DPP6: variants seen among roughly 807,000 people sequenced by gnomAD.
The protein encoded by DPP6 is dipeptidyl peptidase like 6.
DPP6 carries 69 observed loss-of-function variants against 122.6 expected under a neutral mutation model. The ratio of observed to expected loss-of-function variants is 0.56; its 90% CI spans 0.46 to 0.69. The LOEUF is 0.69. DPP6 is among the 30% of genes least tolerant of loss of function. DPP6 has a pLI of 0.00. For missense variants in DPP6, 928 were observed against 1,116.9 expected, an observed-to-expected ratio of 0.83 and a Z score of 2.41; for synonymous variants, 418 against 433.1, an observed-to-expected ratio of 0.97 and a Z score of 0.43.
At chr7:154,440,806 C>G (rs1341503850) in intron 1 of DPP6, among the ~76,000 whole-genome samples, 1 of 152,146 alleles carries the variant, frequency 6.6e-6, no homozygotes, top group Non-Finnish European at 1.5e-5. Context: ...AGCTAAGGGA[C>G]ATAGAATGCA....
intron 7 of DPP6, among the ~76,000 whole-genome samples, chr7:154,715,998 T>G (rs1345687288): frequency 2.0e-5 from 3 of 152,174 alleles, no homozygotes; most frequent in Non-Finnish European, 4.4e-5. Context: ...GAAATCATAT[T>G]TATTTCCTTC....
At chr7:154,790,965 C>T (rs1347099649) in intron 10 of DPP6, among the ~76,000 whole-genome samples, 1 of 152,010 alleles carries the variant, frequency 6.6e-6, no homozygotes, top group Non-Finnish European at 1.5e-5. Flanking sequence ...TAAACACATA[C>T]TTGAGGCTGG....
At chr7:154,581,378 G>T (rs977675642) in intron 5 of DPP6, among the ~76,000 whole-genome samples, 2 of 152,132 alleles carry the variant, frequency 1.3e-5, no homozygotes, top group African/African-American at 4.8e-5. Context: ...GAAGAGTAAA[G>T]AGCCTGGAAG....
intron 1 of DPP6, among the ~76,000 whole-genome samples, chr7:154,256,165 C>A (rs1429253456): frequency 6.6e-6 from 1 of 152,148 alleles, no homozygotes; most frequent in African/African-American, 2.4e-5. Context: ...GAGGAGAAAC[C>A]ACTTCCTGAT....
intron 11 of DPP6, 111 bp from the exon 12 acceptor site, chr7:154,795,734 A>T: frequency 6.8e-7 from 1 of 1,465,240 alleles, no homozygotes; most frequent in Non-Finnish European, 9.2e-7. Flanking sequence ...GCGGCCATGT[A>T]GGTGAAGCCA....
Position 154,794,186 on chromosome 7 carries a change from C to CG in DPP6, c.1249dup (p.Val417GlyfsTer9). On this transcript the variant is annotated frameshift_variant, in exon 11 of 26. Transcript: ENST00000377770. LOFTEE classifies it high-confidence loss of function. ...ATCCTCACCCTCTGCGACGCCACCACGGGGGTCTGCACGAAGGTACGCGGG... is the reference window on the plus strand; with the variant it reads ...ATCCTCACCCTCTGCGACGCCACCACGGGGGGTCTGCACGAAGGTACGCGGG... 1 of 1,610,472 alleles carries CG rather than the reference C, an allele frequency of 6.2e-7. No homozygotes were observed. Among genetic ancestry groups the CG allele is most frequent in the Non-Finnish European group, 8.5e-7 (1 of 1,178,216 alleles).
chr7:154,807,956 G>C (rs762350443), intron 16 of DPP6, among the ~76,000 whole-genome samples: 1 of 152,220 alleles, frequency 6.6e-6, no homozygotes, highest in Non-Finnish European at 1.5e-5. Context: ...ATACACAAAA[G>C]AGTAGGCCAT....
intron 1 of DPP6, among the ~76,000 whole-genome samples, chr7:153,997,177 C>T (rs1440204288): frequency 1.3e-5 from 2 of 151,932 alleles, no homozygotes; most frequent in African/African-American, 4.8e-5. Flanking sequence ...CGTGGTCCTC[C>T]AAGGTTAAAT....
At chr7:154,550,955 C>A (rs895762268) in intron 4 of DPP6, among the ~76,000 whole-genome samples, 1 of 151,768 alleles carries the variant, frequency 6.6e-6, no homozygotes, top group Non-Finnish European at 1.5e-5. Flanking sequence ...TTTCACCATA[C>A]AAACTCACCA....
intron 1 of DPP6, among the ~76,000 whole-genome samples, chr7:154,158,613 C>A (rs1796816612): frequency 6.6e-6 from 1 of 151,866 alleles, no homozygotes; most frequent in Non-Finnish European, 1.5e-5. Flanking sequence ...TTCATTTAGT[C>A]TCTGTCTTTA....
chr7:154,819,371 T>C (rs1012823151), intron 16 of DPP6, among the ~76,000 whole-genome samples: 7 of 152,196 alleles, frequency 4.6e-5, no homozygotes, highest in African/African-American at 1.7e-4. Context: ...GCTGAGATCA[T>C]GCCATTGCCC....
intron 1 of DPP6, among the ~76,000 whole-genome samples, chr7:154,316,394 A>T (rs559223400): frequency 6.6e-6 from 1 of 152,360 alleles, no homozygotes; most frequent in East Asian, 1.9e-4. Flanking sequence ...ACCATCAGAA[A>T]TCAAAGAACT....
chr7:154,811,674 T>C (rs1374184972), intron 16 of DPP6, among the ~76,000 whole-genome samples: 4 of 152,194 alleles, frequency 2.6e-5, no homozygotes, highest in Non-Finnish European at 5.9e-5. Context: ...ACAAAGATAA[T>C]TTAAAATAAT....
At position 154,248,824 on chromosome 7, in the gene DPP6, C is replaced by T. The variant is rs1802158460; in HGVS notation, c.243+195761C>T. Among the ~76,000 whole-genome samples the T allele has an allele frequency of 2.0e-5, 3 of 151,928 alleles. No homozygotes were observed. In the South Asian group the frequency reaches 6.2e-4, roughly 32 times the overall value. On this transcript the variant is annotated intron_variant, in intron 1 of 25. Coordinates refer to ENST00000377770, the MANE Select transcript of DPP6 (RefSeq NM_130797.4). Reference sequence around the variant, plus strand: ...GAGGTTGCAGTGAGCCGAGATTGCGCCACTGCACTCCAGCCTCAGCAACAG... The same window carrying T: ...GAGGTTGCAGTGAGCCGAGATTGCGTCACTGCACTCCAGCCTCAGCAACAG...
chr7:154,766,732 C>G (rs575831062), intron 8 of DPP6, among the ~76,000 whole-genome samples: 1 of 152,366 alleles, frequency 6.6e-6, no homozygotes, highest in African/African-American at 2.4e-5. Flanking sequence ...AGAGTATTCT[C>G]AGCCCAGCCT....
At chr7:154,707,473 A>T (rs1391793117) in intron 7 of DPP6, among the ~76,000 whole-genome samples, 1 of 152,218 alleles carries the variant, frequency 6.6e-6, no homozygotes, top group Non-Finnish European at 1.5e-5. Flanking sequence ...CTAAAATATG[A>T]AATACTCACT....
intron 5 of DPP6, among the ~76,000 whole-genome samples, chr7:154,589,319 A>G (rs963862633): frequency 1.3e-5 from 2 of 152,214 alleles, no homozygotes; most frequent in East Asian, 1.9e-4. Flanking sequence ...CTATCACTCC[A>G]TCTCAGGAGC....
At chr7:154,443,169 A>G (rs1819529582) in intron 1 of DPP6, among the ~76,000 whole-genome samples, 1 of 152,034 alleles carries the variant, frequency 6.6e-6, no homozygotes, top group Non-Finnish European at 1.5e-5. Flanking sequence ...CTCTGTCTGG[A>G]TTGTCTTCTC....
intron 1 of DPP6, among the ~76,000 whole-genome samples, chr7:154,176,162 A>G (rs1797792402): frequency 6.6e-6 from 1 of 152,240 alleles, no homozygotes; most frequent in Admixed American, 6.5e-5. Flanking sequence ...AAGTGAATTG[A>G]GTAAAAGTGT....
Sources: gnomAD v4.1 joint callset for allele counts (sites outside exome capture counted in the v4.1 genomes callset) on GRCh38, gnomAD v4.1.1 for gene constraint, MANE v1.5 for transcripts, NCBI Gene and HGNC (gene_info 2026-07-23, HGNC 2026-07-21) for gene names.